Variants in ADD3 observed in about 807,000 individuals in gnomAD.
ADD3 encodes the protein gamma-adducin.
A neutral mutation model predicts 80.2 loss-of-function variants in ADD3; 25 were observed. The ratio of observed to expected loss-of-function variants is 0.31; its 90% confidence interval spans 0.23 to 0.44. The LOEUF (loss-of-function observed/expected upper bound fraction) is 0.44. ADD3 is among the 20% of genes least tolerant of loss of function. The probability of loss-of-function intolerance (pLI) is 1.00; values close to 1 mark genes in which losing one functional copy is unlikely to be tolerated. For synonymous variants in ADD3, 284 were observed against 289.6 expected, an observed-to-expected ratio of 0.98 and a Z score of 0.20; for missense variants, 829 against 847.5, an observed-to-expected ratio of 0.98 and a Z score of 0.27.
intron 1 of ADD3, among the ~76,000 whole-genome samples, chr10:110,093,627 T>C (rs1313113230): frequency 2.0e-5 from 3 of 152,236 alleles, no homozygotes; most frequent in Non-Finnish European, 4.4e-5. Flanking sequence ...TAGTGGTCCG[T>C]ACCTTGCATG....
chr10:110,042,610 G>A (rs1856493000), intron 1 of ADD3, among the ~76,000 whole-genome samples: 1 of 151,250 alleles, frequency 6.6e-6, no homozygotes, highest in African/African-American at 2.4e-5. Context: ...GGATTTTGGT[G>A]TTATCTAGAA....
intron 1 of ADD3, among the ~76,000 whole-genome samples, chr10:110,025,321 T>G (rs1449224900): frequency 2.0e-5 from 3 of 151,938 alleles, no homozygotes; most frequent in Non-Finnish European, 4.4e-5. Context: ...TTTTTAAATT[T>G]AATAATACTA....
At chr10:110,007,604 GCA>G (rs1181467603), upstream of ADD3, among the ~76,000 whole-genome samples, 6 of 152,184 alleles carry the variant, frequency 3.9e-5, no homozygotes, top group Admixed American at 2.6e-4. Flanking sequence ...GATTCGAGCT[GCA>G]CAGTCAGAAG....
At chr10:110,015,872 G>A (rs1407949767) in intron 1 of ADD3, among the ~76,000 whole-genome samples, 1 of 152,222 alleles carries the variant, frequency 6.6e-6, no homozygotes, top group Non-Finnish European at 1.5e-5. Flanking sequence ...CAGAAAGGCT[G>A]TCACTGTTAT....
In ADD3 at chr10:110,097,976, C is replaced by T. The variant is rs182113643; in HGVS notation, c.-29-2649C>T. On this transcript the variant is annotated intron_variant, in intron 1 of 14. Coordinates refer to ENST00000356080, the MANE Select transcript of ADD3 (RefSeq NM_016824.5). ...ATTTTTAATAGAGACAGAGTTTCAC[C>T]GTGTTGGCCAGGATGGTCTCGATCT... Among the ~76,000 whole-genome samples, 512 of 152,130 alleles carry T rather than the reference C, an allele frequency of 3.4e-3. 2 individuals carry two copies. Among genetic ancestry groups the T allele is most frequent in the Non-Finnish European group, 5.5e-3 (373 of 67,996 alleles).
At chr10:110,028,385 C>A (rs1315384459) in intron 1 of ADD3, among the ~76,000 whole-genome samples, 3 of 151,414 alleles carry the variant, frequency 2.0e-5, no homozygotes, top group Non-Finnish European at 4.4e-5. Flanking sequence ...ACCAGCCTGG[C>A]CAACCTCATC....
chr10:110,044,178 G>C (rs1173751249), intron 1 of ADD3, among the ~76,000 whole-genome samples: 3 of 152,132 alleles, frequency 2.0e-5, no homozygotes, highest in Non-Finnish European at 4.4e-5. Context: ...CTCCGTCCTG[G>C]GTGACAGAGC....
At chr10:110,112,616 C>CA (rs1850191891) in intron 2 of ADD3, among the ~76,000 whole-genome samples, 161 bp from the exon 3 acceptor site, 1 of 152,260 alleles carries the variant, frequency 6.6e-6, no homozygotes, top group East Asian at 1.9e-4. Context: ...CTGCTTCTTG[C>CA]AGTGCTTTGA....
At chr10:110,071,341 A>G (rs570475352) in intron 1 of ADD3, among the ~76,000 whole-genome samples, 1 of 152,242 alleles carries the variant, frequency 6.6e-6, no homozygotes, top group Non-Finnish European at 1.5e-5. Context: ...GCTATAGAAC[A>G]TTGTACCTAT....
intron 1 of ADD3, among the ~76,000 whole-genome samples, chr10:110,032,510 A>G (rs1855164945): frequency 6.6e-6 from 1 of 152,224 alleles, no homozygotes; most frequent in Non-Finnish European, 1.5e-5. Context: ...ACTTGGGCAA[A>G]TTCAGAGTGC....
intron 1 of ADD3, among the ~76,000 whole-genome samples, chr10:110,093,889 A>C (rs183234591): frequency 1.5e-4 from 23 of 152,278 alleles, no homozygotes; most frequent in Admixed American, 3.3e-4. Flanking sequence ...CTGTATCTCA[A>C]AATCTTATTG....
At chr10:110,037,480 C>T (rs1477680822) in intron 1 of ADD3, among the ~76,000 whole-genome samples, 1 of 151,770 alleles carries the variant, frequency 6.6e-6, no homozygotes, top group African/African-American at 2.4e-5. Flanking sequence ...TGGTGGGCAC[C>T]TGTAGTCCCA....
At chr10:110,001,243 C>T (rs9783142), upstream of ADD3, among the ~76,000 whole-genome samples, 4 of 151,696 alleles carry the variant, frequency 2.6e-5, no homozygotes, top group African/African-American at 4.8e-5. Flanking sequence ...GGCAAAACCC[C>T]GTCTCTACTA....
At chr10:110,119,038 T>C (rs1032942130) in intron 6 of ADD3, among the ~76,000 whole-genome samples, 173 bp from the exon 7 acceptor site, 2 of 152,282 alleles carry the variant, frequency 1.3e-5, no homozygotes, top group East Asian at 1.9e-4. Flanking sequence ...TAAGTCCTTT[T>C]TGTGTGTGTG....
intron 1 of ADD3, among the ~76,000 whole-genome samples, chr10:110,055,146 T>C (rs1024974421): frequency 2.6e-5 from 4 of 152,192 alleles, no homozygotes; most frequent in South Asian, 2.1e-4. Context: ...TGCTAAAATA[T>C]CAGACAAGAA....
At chr10:110,120,888 A>G (rs1353589760) in intron 8 of ADD3, among the ~76,000 whole-genome samples, 1 of 152,118 alleles carries the variant, frequency 6.6e-6, no homozygotes, top group East Asian at 1.9e-4. Context: ...TGAGAAAAAC[A>G]AGCAATGGGG....
At chr10:110,098,352 G>T (rs988302078) in intron 1 of ADD3, among the ~76,000 whole-genome samples, 1 of 152,086 alleles carries the variant, frequency 6.6e-6, no homozygotes, top group Non-Finnish European at 1.5e-5. Flanking sequence ...CTGTTTTATA[G>T]GTACTTATTT....
At chr10:110,001,742 G>A (rs949514920), upstream of ADD3, among the ~76,000 whole-genome samples, 3 of 152,126 alleles carry the variant, frequency 2.0e-5, no homozygotes, top group Non-Finnish European at 2.9e-5. Context: ...TAAATTTGGA[G>A]TAGAGCCTAT....
At chr10:110,129,468 C>A (rs556969004) in intron 12 of ADD3, among the ~76,000 whole-genome samples, 13,601 of 152,070 alleles carry the variant, frequency 0.089, 1,992 homozygotes, top group African/African-American at 0.31. Context: ...TTTCTCAAGC[C>A]TCTGATCTTC....
Sources: allele counts gnomAD v4.1 joint callset (sites outside exome capture counted in the v4.1 genomes callset), GRCh38; gene constraint gnomAD v4.1.1; transcripts MANE v1.5; gene names NCBI Gene and HGNC (gene_info 2026-07-23, HGNC 2026-07-21).